Variants in LRRTM4 observed in about 807,000 individuals in gnomAD.
The protein encoded by LRRTM4 is leucine rich repeat transmembrane neuronal 4, also known as leucine-rich repeat transmembrane neuronal protein 4.
Under a neutral mutation model 47.6 loss-of-function variants are expected in LRRTM4, and 25 were observed. The ratio of observed to expected loss-of-function variants is 0.53; its 90% CI spans 0.38 to 0.73. The LOEUF is 0.73. Ranked by LOEUF, LRRTM4 falls within the 30% of genes least tolerant of loss-of-function variation. LRRTM4 has a pLI of 0.00. For synonymous variants in LRRTM4, 311 were observed against 269.5 expected (o/e 1.15, Z -1.51); for missense variants, 638 against 713.4 (o/e 0.89, Z 1.20).
intron 3 of LRRTM4, among the ~76,000 whole-genome samples, chr2:76,908,352 A>G (rs917166340): frequency 9.9e-5 from 15 of 152,052 alleles, no homozygotes; most frequent in Admixed American, 1.3e-4. Flanking sequence ...TCAAAATCAT[A>G]AGAGCTATCT....
chr2:76,862,054 G>C (rs1483999658), intron 3 of LRRTM4, among the ~76,000 whole-genome samples: 3 of 151,488 alleles, frequency 2.0e-5, no homozygotes, highest in Non-Finnish European at 4.4e-5. Flanking sequence ...CACAGGTATT[G>C]GGGCTTGCTA....
intron 3 of LRRTM4, among the ~76,000 whole-genome samples, chr2:76,897,894 C>T (rs945477464): frequency 6.6e-6 from 1 of 152,088 alleles, no homozygotes; most frequent in Non-Finnish European, 1.5e-5. Context: ...AAGCATAAGA[C>T]GTTTTCCATA....
At position 76,842,834 on chromosome 2, in the gene LRRTM4, T is replaced by C. The variant is rs182461843; in HGVS notation, c.1552-93918A>G. Among the ~76,000 whole-genome samples the C allele has an allele frequency of 4.6e-5, 7 of 152,278 alleles. No individual in the cohort carries two copies. In the East Asian group the frequency reaches 9.7e-4, roughly 21 times the overall value. Reference sequence around the variant, plus strand: ...GTGTTTTGCTGCACCTATCAAACCATTGTCTATAACCTCCAATTTTCTTAT... The same window carrying C: ...GTGTTTTGCTGCACCTATCAAACCACTGTCTATAACCTCCAATTTTCTTAT... On this transcript the variant is annotated intron_variant, in intron 3 of 3. Transcript: ENST00000409884.
At chr2:77,198,857 C>A (rs1673899794) in intron 3 of LRRTM4, among the ~76,000 whole-genome samples, 1 of 152,166 alleles carries the variant, frequency 6.6e-6, no homozygotes, top group Non-Finnish European at 1.5e-5. Context: ...CTACTACATT[C>A]TTAGTGCTCA....
intron 3 of LRRTM4, among the ~76,000 whole-genome samples, chr2:76,795,688 G>C (rs1044509811): frequency 2.6e-5 from 4 of 152,068 alleles, no homozygotes; most frequent in African/African-American, 9.7e-5. Flanking sequence ...AACATGATGG[G>C]AATGTAGCTA....
Position 76,944,959 on chromosome 2 carries a change from C to T in LRRTM4, c.1552-196043G>A, listed in dbSNP as rs968163129. ...ACAGAGCTTCCTTGGGAAGTTTTTA[C>T]GAGTCCAGGGCTGCTATAAGAAACT... is the stretch of plus-strand genomic sequence containing the variant. On this transcript the variant is annotated intron_variant, in intron 3 of 3. Coordinates refer to ENST00000409884, the MANE Select transcript of LRRTM4 (RefSeq NM_001134745.3). 2.6e-5 allele frequency among the ~76,000 whole-genome samples: 4 copies of T among 151,964 alleles called. No homozygotes were observed. In the East Asian group the frequency reaches 7.7e-4, roughly 29 times the overall value.
chr2:77,152,796 C>G (rs1337940421), intron 3 of LRRTM4, among the ~76,000 whole-genome samples: 5 of 152,108 alleles, frequency 3.3e-5, no homozygotes, highest in African/African-American at 4.8e-5. Flanking sequence ...TAACCCCCAC[C>G]CTTTTTATTG....
chr2:76,832,580 G>C (rs1370409351), intron 3 of LRRTM4, among the ~76,000 whole-genome samples: 1 of 146,554 alleles, frequency 6.8e-6, no homozygotes, highest in Non-Finnish European at 1.5e-5. Context: ...ATTAGAGTTT[G>C]CATTTTCTCA....
In LRRTM4 at chr2:77,373,088, A is replaced by ATATATATAT. The variant is rs1553435845; in HGVS notation, c.1551+145229_1551+145230insATATATATA. Reference sequence around the variant, plus strand: ...AAAGCAAACCAACAATTAAAAAAAAAATATATATATATATATATATACGCA... The same window carrying ATATATATAT: ...AAAGCAAACCAACAATTAAAAAAAAATATATATATATATATATATATATATATATACGCA... On this transcript the variant is annotated intron_variant, in intron 3 of 3. Coordinates refer to ENST00000409884, the MANE Select transcript of LRRTM4 (RefSeq NM_001134745.3). 6.6e-4 allele frequency among the ~76,000 whole-genome samples: 92 copies of ATATATATAT among 140,350 alleles called. No individual in the cohort carries two copies. In the East Asian group the frequency reaches 8.8e-3, roughly 13 times the overall value. 92.1% of individuals were successfully genotyped at this position (140,350 alleles called of 152,430 possible). A position where few individuals can be genotyped will look rare whatever the true frequency, so the allele number is the denominator to read the frequency against.
chr2:76,826,782 T>A (rs1226604210), intron 3 of LRRTM4, among the ~76,000 whole-genome samples: 1 of 151,834 alleles, frequency 6.6e-6, no homozygotes, highest in Non-Finnish European at 1.5e-5. Flanking sequence ...AGAGTGTACA[T>A]TAACCATCCT....
chr2:77,017,074 C>A (rs948148284), intron 3 of LRRTM4, among the ~76,000 whole-genome samples: 2 of 152,108 alleles, frequency 1.3e-5, no homozygotes, highest in Non-Finnish European at 2.9e-5. Flanking sequence ...AAAGAAGCAA[C>A]ACCTGGTTGC....
At chr2:76,819,450 A>C (rs1670994260) in intron 3 of LRRTM4, among the ~76,000 whole-genome samples, 1 of 151,898 alleles carries the variant, frequency 6.6e-6, no homozygotes, top group African/African-American at 2.4e-5. Context: ...GAGCAAGGAA[A>C]CATTCTATAA....
At chr2:77,312,843 A>ATT (rs1233619245) in intron 3 of LRRTM4, among the ~76,000 whole-genome samples, 1 of 152,210 alleles carries the variant, frequency 6.6e-6, no homozygotes, top group Admixed American at 6.5e-5. Flanking sequence ...TTAAGGGAGA[A>ATT]TTTTGAGATA....
intron 3 of LRRTM4, among the ~76,000 whole-genome samples, chr2:76,883,875 C>T (rs1558712363): frequency 1.3e-5 from 2 of 151,972 alleles, no homozygotes; most frequent in Non-Finnish European, 2.9e-5. Flanking sequence ...TTTATTGGTA[C>T]CTGATTTAAA....
chr2:76,788,858 TG>T (rs78809450), intron 3 of LRRTM4, among the ~76,000 whole-genome samples: 11,313 of 152,208 alleles, frequency 0.074, 775 homozygotes, highest in East Asian at 0.28. Flanking sequence ...TAAATGTTTT[TG>T]TGTCTATGGG....
At chr2:77,328,234 G>A (rs1008372374) in intron 3 of LRRTM4, among the ~76,000 whole-genome samples, 1 of 152,156 alleles carries the variant, frequency 6.6e-6, no homozygotes, top group Non-Finnish European at 1.5e-5. Context: ...GAGCTCAAAG[G>A]TGTAGGTGAA....
chr2:77,397,494 T>C (rs1673749478), intron 3 of LRRTM4, among the ~76,000 whole-genome samples: 1 of 151,800 alleles, frequency 6.6e-6, no homozygotes, highest in African/African-American at 2.4e-5. Context: ...GTCAAATTAT[T>C]TATAATCTCT....
chr2:77,142,071 A>T (rs1217180275), intron 3 of LRRTM4, among the ~76,000 whole-genome samples: 1 of 152,214 alleles, frequency 6.6e-6, no homozygotes, highest in African/African-American at 2.4e-5. Flanking sequence ...GTATAGACAG[A>T]GCACAAGTAA....
chr2:77,462,819 A>G (rs958793289), intron 3 of LRRTM4, among the ~76,000 whole-genome samples: 6 of 151,844 alleles, frequency 4.0e-5, no homozygotes, highest in Non-Finnish European at 7.4e-5. Context: ...CAATGCACAT[A>G]TGGCTTTTAA....
Sources: allele counts gnomAD v4.1 joint callset (sites outside exome capture counted in the v4.1 genomes callset), GRCh38; gene constraint gnomAD v4.1.1; transcripts MANE v1.5; gene names NCBI Gene and HGNC (gene_info 2026-07-23, HGNC 2026-07-21).